Variants in FNDC1 observed in about 807,000 individuals in gnomAD.
FNDC1 encodes the protein fibronectin type III domain containing 1.
In FNDC1, 96 loss-of-function variants were observed where a neutral mutation model predicts 168.0. The ratio of observed to expected loss-of-function variants is 0.57; its 90% confidence interval spans 0.48 to 0.68. The LOEUF (loss-of-function observed/expected upper bound fraction) is 0.68. FNDC1 is among the 30% of genes least tolerant of loss of function. The pLI is 0.00. For synonymous variants in FNDC1, 1,099 were observed against 1,025.9 expected (o/e 1.07, Z -1.36); for missense variants, 2,587 against 2,482.1 (o/e 1.04, Z -0.90).
intron 1 of FNDC1, among the ~76,000 whole-genome samples, chr6:159,195,921 A>AT (rs1782233609): frequency 6.6e-6 from 1 of 152,224 alleles, no homozygotes; most frequent in African/African-American, 2.4e-5. Context: ...AGAAACACTC[A>AT]ACCATGAGCT....
rs1243633106 is a variant in FNDC1, at chr6:159,271,729, A to C, written c.*287A>C. On this transcript the variant is annotated 3_prime_UTR_variant, in exon 23 of 23. Transcript: ENST00000297267. ...GACATCAGAAACCAGCAACTGATTCAGTGTGATTTCCAGACTTTTTAGGCA... is the reference window on the plus strand; with the variant it reads ...GACATCAGAAACCAGCAACTGATTCCGTGTGATTTCCAGACTTTTTAGGCA... 1.1e-5 allele frequency: 3 copies of C among 269,292 alleles called. No homozygotes were observed. The highest frequency in any genetic ancestry group is 2.2e-5 in the Non-Finnish European group (3 of 139,394). The allele number at this position is 269,292 out of a possible 1,614,324, so 16.7% of individuals were successfully genotyped here.
chr6:159,183,866 C>A (rs539785837), intron 1 of FNDC1, among the ~76,000 whole-genome samples: 6 of 152,338 alleles, frequency 3.9e-5, no homozygotes, highest in African/African-American at 1.4e-4. Context: ...AAGATCCATT[C>A]AGGGCACGAG....
chr6:159,173,766 T>A (rs760380323), intron 1 of FNDC1, among the ~76,000 whole-genome samples: 13 of 152,256 alleles, frequency 8.5e-5, no homozygotes, highest in Non-Finnish European at 1.6e-4. Context: ...ATCAGAAGTC[T>A]GAAATGTGCG....
intron 4 of FNDC1, among the ~76,000 whole-genome samples, chr6:159,212,809 A>G (rs1190187054): frequency 3.3e-5 from 5 of 152,230 alleles, no homozygotes; most frequent in Non-Finnish European, 7.3e-5. Context: ...CCCTTGTTTC[A>G]CATTCATTAG....
At chr6:159,184,115 A>G (rs1441607719) in intron 1 of FNDC1, among the ~76,000 whole-genome samples, 1 of 152,248 alleles carries the variant, frequency 6.6e-6, no homozygotes. Context: ...TTCCTTATTT[A>G]TAAAAATGCG....
At chr6:159,188,868 C>T (rs554427041) in intron 1 of FNDC1, among the ~76,000 whole-genome samples, 1 of 152,062 alleles carries the variant, frequency 6.6e-6, no homozygotes, top group South Asian at 2.1e-4. Context: ...CTGCCTCAGC[C>T]TCCAGAATAG....
chr6:159,206,399 G>A (rs1039963415), intron 4 of FNDC1, among the ~76,000 whole-genome samples: 4 of 152,220 alleles, frequency 2.6e-5, no homozygotes, highest in African/African-American at 9.6e-5. Context: ...GGCCTGGAAG[G>A]TGAGCTCCTT....
chr6:159,195,026 T>C (rs929086002), intron 1 of FNDC1, among the ~76,000 whole-genome samples: 2 of 152,010 alleles, frequency 1.3e-5, no homozygotes, highest in Non-Finnish European at 2.9e-5. Flanking sequence ...GTCCAGTCTG[T>C]GTGTGGTGCG....
At chr6:159,221,509 G>C in intron 5 of FNDC1, 89 bp from the exon 6 acceptor site, 1 of 985,888 alleles carries the variant, frequency 1.0e-6, no homozygotes, top group Non-Finnish European at 1.6e-6. Context: ...AAGGGGAGGA[G>C]GAATGCAGAA....
chr6:159,263,844 A>C (rs1777541329), intron 19 of FNDC1, among the ~76,000 whole-genome samples: 1 of 152,218 alleles, frequency 6.6e-6, no homozygotes, highest in Non-Finnish European at 1.5e-5. Context: ...AATCTCAGCT[A>C]CTCAGGAGGC....
At chr6:159,221,076 T>C (rs1782812540) in intron 5 of FNDC1, among the ~76,000 whole-genome samples, 1 of 152,232 alleles carries the variant, frequency 6.6e-6, no homozygotes. Context: ...AGACTCTGTT[T>C]TGAGGATTTT....
chr6:159,233,947 G>A lies in FNDC1; in HGVS notation c.3435G>A (p.Gln1145=). The part of the protein sequence containing the change: ...PARPSRPGGP[Q]SRARVPSRAA... The stretch of plus-strand genomic sequence containing the variant: ...GGCCCAGCCGACCCGGCGGCCCCCA[G>A]TCCCGCGCCCGGGTACCCAGCAGGG... The change falls in exon 11 of 23, where the codon CAG becomes CAA. Residue 1145 remains glutamine (Q), a synonymous_variant. Transcript: ENST00000297267. The surrounding 1 kb of genome is among the most constrained non-coding windows in gnomAD (Gnocchi z 4.6). 1.3e-6 allele frequency: 2 copies of A among 1,566,320 alleles called. No homozygotes were observed. The highest frequency in any genetic ancestry group is 1.7e-6 in the Non-Finnish European group (2 of 1,155,640).
chr6:159,203,710 T>C (rs1356146574), intron 4 of FNDC1, among the ~76,000 whole-genome samples: 1 of 152,206 alleles, frequency 6.6e-6, no homozygotes, highest in East Asian at 1.9e-4. Context: ...GTTATGGAGC[T>C]TTTCTGCAGA....
chr6:159,233,211 A>T lies in FNDC1; in HGVS notation c.2699A>T (p.Gln900Leu). 6.2e-7 allele frequency: 1 copy of T among 1,613,428 alleles called. No individual in the cohort carries two copies. The highest frequency in any genetic ancestry group is 1.1e-5 in the South Asian group (1 of 90,944). The change falls in exon 11 of 23, where the codon CAG becomes CTG. Residue 900 changes from glutamine to leucine, a missense_variant. Coordinates refer to ENST00000297267, the MANE Select transcript of FNDC1 (RefSeq NM_032532.3). The surrounding 1 kb of genome is among the most constrained non-coding windows in gnomAD (Gnocchi z 4.6). ...VNDHVPSSSR[Q>L]PISRGWEDLR... Reference sequence around the variant, plus strand: ...GACCACGTGCCTTCCTCCTCCAGGCAGCCCATCTCCCGGGGCTGGGAGGAC... The same window carrying T: ...GACCACGTGCCTTCCTCCTCCAGGCTGCCCATCTCCCGGGGCTGGGAGGAC...
chr6:159,225,516 G>T lies in FNDC1; in HGVS notation c.885-19G>T. The T allele has an allele frequency of 1.3e-6, 2 of 1,587,022 alleles. No individual in the cohort carries two copies. Among genetic ancestry groups the T allele is most frequent in the South Asian group, 1.1e-5 (1 of 87,524 alleles). ...TGGCAGAGAATTTGGACAGATCATT[G>T]TGTTGTGTTTTCTTACAGACAGTAC... is the stretch of plus-strand genomic sequence containing the variant. On this transcript the variant is annotated intron_variant, in intron 7 of 22. Transcript: ENST00000297267.
At position 159,221,688 on chromosome 6, in the gene FNDC1, A is replaced by G; in HGVS notation, c.758A>G (p.Lys253Arg). 2 of 1,613,490 alleles carry G rather than the reference A, an allele frequency of 1.2e-6. No homozygotes were observed. The highest frequency in any genetic ancestry group is 1.7e-6 in the Non-Finnish European group (2 of 1,179,394). Residue 253 changes from lysine (K) to arginine (R), a missense_variant, in exon 6 of 23, where the codon AAG (lysine) becomes AGG (arginine). Transcript: ENST00000297267. Reference protein sequence around the residue: ...PVYRAALTKRKISEEDELDVP... With the variant: ...PVYRAALTKRRISEEDELDVP... Reference sequence around the variant, plus strand: ...TACAGGGCTGCCCTAACAAAGCGAAAGATTTCAGGTATGTTTCTAAGGATG... The same window carrying G: ...TACAGGGCTGCCCTAACAAAGCGAAGGATTTCAGGTATGTTTCTAAGGATG...
intron 1 of FNDC1, among the ~76,000 whole-genome samples, chr6:159,191,235 A>T (rs1782132163): frequency 6.6e-6 from 1 of 152,326 alleles, no homozygotes; most frequent in Middle Eastern, 3.4e-3. Context: ...TCAACATGAG[A>T]TTTGGGTGGG....
rs549459578 is a variant in FNDC1 at position 159,246,882 on chromosome 6, T to G, written c.4622-19T>G. 2.5e-6 allele frequency: 4 copies of G among 1,596,236 alleles called. No individual in the cohort carries two copies. The highest frequency in any genetic ancestry group is 3.3e-5 in the Admixed American group (2 of 59,914). On this transcript the variant is annotated intron_variant, in intron 14 of 22. Transcript: ENST00000297267. ...AGAAGGAGCGCTGGATGACTGGTCC[T>G]TTTCTCTGTCCTCACTAGATGAGTT... is the stretch of plus-strand genomic sequence containing the variant.
intron 22 of FNDC1, among the ~76,000 whole-genome samples, chr6:159,269,150 A>C (rs1238107350): frequency 2.3e-5 from 3 of 133,126 alleles, no homozygotes; most frequent in Admixed American, 1.4e-4. Flanking sequence ...CTATCTATCC[A>C]TCTGTCTATG....
Sources: gnomAD v4.1 joint callset for allele counts (sites outside exome capture counted in the v4.1 genomes callset) on GRCh38, gnomAD v4.1.1 for gene constraint, Gnocchi (gnomAD v3.1) non-coding constraint, MANE v1.5 for transcripts, NCBI Gene and HGNC (gene_info 2026-07-23, HGNC 2026-07-21) for gene names.